The following SLC24A2 variants were observed in gnomAD, a reference collection of about 807,000 sequenced individuals.
SLC24A2 encodes solute carrier family 24 member 2.
SLC24A2 carries 36 observed loss-of-function variants against 62.0 expected under a neutral mutation model. That is an observed-to-expected ratio of 0.58 (90% CI 0.44 to 0.77). The LOEUF is 0.77. Among genes scored for constraint, SLC24A2 ranks in the 30% least tolerant of loss-of-function variants. SLC24A2 has a pLI of 0.00. For synonymous variants in SLC24A2, 358 were observed against 294.0 expected (o/e 1.22, Z -2.23); for missense variants, 846 against 817.9 (o/e 1.03, Z -0.42).
At chr9:20,178,396 G>C in the SLC24A2 span, among the ~76,000 whole-genome samples, 1 of 152,134 alleles carries the variant, frequency 6.6e-6, no homozygotes, top group Non-Finnish European at 1.5e-5. Context: ...AGCCAAGGCA[G>C]CTGAAGGGTA....
the SLC24A2 span, among the ~76,000 whole-genome samples, chr9:20,065,360 C>T: frequency 1.3e-5 from 2 of 152,164 alleles, no homozygotes; most frequent in African/African-American, 4.8e-5. Flanking sequence ...CCATCTCATC[C>T]AGACTTTCCC....
chr9:20,062,921 G>A, the SLC24A2 span, among the ~76,000 whole-genome samples: 1 of 118,272 alleles, frequency 8.5e-6, no homozygotes. Flanking sequence ...TCAGAGAAAT[G>A]CAAATCAAAA....
the SLC24A2 span, among the ~76,000 whole-genome samples, chr9:19,941,573 G>GTA: frequency 9.0e-6 from 1 of 111,016 alleles, no homozygotes. Flanking sequence ...GTGTGTGTGT[G>GTA]TGTGTGTGTG....
chr9:19,576,218 T>C (rs1381859526), intron 6 of SLC24A2, among the ~76,000 whole-genome samples: 1 of 152,214 alleles, frequency 6.6e-6, no homozygotes, highest in African/African-American at 2.4e-5. Context: ...TAGCTTCGTT[T>C]ATAGCATAGA....
At chr9:20,153,149 T>C in the SLC24A2 span, among the ~76,000 whole-genome samples, 1 of 151,966 alleles carries the variant, frequency 6.6e-6, no homozygotes. Context: ...TGTTAACATT[T>C]TGATGTTTTG....
the SLC24A2 span, among the ~76,000 whole-genome samples, chr9:20,217,541 C>A: frequency 6.6e-6 from 1 of 152,082 alleles, no homozygotes; most frequent in Non-Finnish European, 1.5e-5. Flanking sequence ...GTGCTGGGAG[C>A]AGGTTAGTCT....
the SLC24A2 span, among the ~76,000 whole-genome samples, chr9:19,855,294 A>C: frequency 6.6e-6 from 1 of 152,062 alleles, no homozygotes. Flanking sequence ...CTTATATTTA[A>C]GGTTAATATT....
chr9:20,031,525 A>C, the SLC24A2 span, among the ~76,000 whole-genome samples: 2 of 152,002 alleles, frequency 1.3e-5, no homozygotes, highest in African/African-American at 2.4e-5. Flanking sequence ...ATTATAAATA[A>C]GTTTAAATTT....
the SLC24A2 span, among the ~76,000 whole-genome samples, chr9:20,169,147 G>T: frequency 1.3e-5 from 2 of 152,010 alleles, no homozygotes; most frequent in African/African-American, 2.4e-5. Flanking sequence ...TGTAGAATAG[G>T]CAAATTCATA....
chr9:19,862,490 C>T, the SLC24A2 span, among the ~76,000 whole-genome samples: 2 of 152,050 alleles, frequency 1.3e-5, no homozygotes, highest in African/African-American at 2.4e-5. Flanking sequence ...AATAAGAAAT[C>T]ACCTGAAGGT....
At chr9:19,713,488 T>G (rs1182644) in intron 2 of SLC24A2, among the ~76,000 whole-genome samples, 1 of 152,212 alleles carries the variant, frequency 6.6e-6, no homozygotes, top group Non-Finnish European at 1.5e-5. Context: ...ACCACTTTTA[T>G]GAATAGTATG....
chr9:20,130,544 T>C, the SLC24A2 span, among the ~76,000 whole-genome samples: 1 of 151,856 alleles, frequency 6.6e-6, no homozygotes, highest in East Asian at 1.9e-4. Context: ...AAAGGCTAGA[T>C]TAGCTGAAGC....
intron 7 of SLC24A2, among the ~76,000 whole-genome samples, chr9:19,555,193 C>T (rs1835023432): frequency 6.6e-6 from 1 of 151,926 alleles, no homozygotes; most frequent in Non-Finnish European, 1.5e-5. Context: ...TTATTCAAGC[C>T]ATTGTTATTT....
At chr9:20,177,456 C>A in the SLC24A2 span, among the ~76,000 whole-genome samples, 1 of 152,084 alleles carries the variant, frequency 6.6e-6, no homozygotes, top group African/African-American at 2.4e-5. Context: ...AGGCTGAGGT[C>A]AGAGCCACCA....
At chr9:20,299,872 C>T in the SLC24A2 span, among the ~76,000 whole-genome samples, 2 of 152,356 alleles carry the variant, frequency 1.3e-5, no homozygotes, top group South Asian at 2.1e-4. Flanking sequence ...TTCACTACAT[C>T]ATGCTGCCTT....
At chr9:19,827,172 A>T in the SLC24A2 span, among the ~76,000 whole-genome samples, 180 of 152,296 alleles carry the variant, frequency 1.2e-3, 2 homozygotes, top group South Asian at 0.014. Context: ...GAGAGGAGTC[A>T]TGTGGGTCAT....
At chr9:19,854,921 G>A in the SLC24A2 span, among the ~76,000 whole-genome samples, 2 of 152,182 alleles carry the variant, frequency 1.3e-5, no homozygotes, top group African/African-American at 2.4e-5. Flanking sequence ...TTGTGTGTGA[G>A]TCTGAGTCTC....
At chr9:20,138,532 G>T in the SLC24A2 span, among the ~76,000 whole-genome samples, 4 of 152,088 alleles carry the variant, frequency 2.6e-5, no homozygotes. Flanking sequence ...AAAATGTTTT[G>T]CCTATTATTT....
At chr9:20,078,805 C>G in the SLC24A2 span, among the ~76,000 whole-genome samples, 1 of 152,144 alleles carries the variant, frequency 6.6e-6, no homozygotes, top group African/African-American at 2.4e-5. Flanking sequence ...AAAAAGCATT[C>G]CCTATGGCAG....
Sources: allele counts gnomAD v4.1 joint callset (sites outside exome capture counted in the v4.1 genomes callset), GRCh38; gene constraint gnomAD v4.1.1; transcripts MANE v1.5; gene names NCBI Gene and HGNC (gene_info 2026-07-23, HGNC 2026-07-21).